Variants in LNPEP observed in about 807,000 individuals in gnomAD.
LNPEP encodes the protein leucyl-cystinyl aminopeptidase.
A neutral mutation model predicts 120.6 loss-of-function variants in LNPEP; 64 were observed. The observed-to-expected ratio is 0.53, with a 90% CI of 0.43 to 0.65. The LOEUF is 0.65. LNPEP is among the 30% of genes least tolerant of loss of function. LNPEP has a pLI of 0.00. For synonymous variants in LNPEP, 435 were observed against 425.4 expected (o/e 1.02, Z -0.28); for missense variants, 1,057 against 1,200.0 (o/e 0.88, Z 1.76).
At chr5:96,969,391 A>G (rs748818494) in intron 1 of LNPEP, among the ~76,000 whole-genome samples, 1 of 151,956 alleles carries the variant, frequency 6.6e-6, no homozygotes, top group Non-Finnish European at 1.5e-5. Context: ...AACATACTGT[A>G]TTTTTCTAAA....
chr5:96,939,890 C>T (rs958448934), intron 1 of LNPEP, among the ~76,000 whole-genome samples: 1 of 151,946 alleles, frequency 6.6e-6, no homozygotes, highest in African/African-American at 2.4e-5. Context: ...AAATTTTTAG[C>T]ATCACTTCTC....
In LNPEP at chr5:97,035,800, T is replaced by C. The variant is rs1254393990; in HGVS notation, c.*7267T>C. On this transcript the variant is annotated 3_prime_UTR_variant, in exon 18 of 18. Coordinates refer to ENST00000231368, the MANE Select transcript of LNPEP (RefSeq NM_005575.3). ...TGTAGCAGTGTATTAATGTAACTAATAGCAACAGGTGTGCAGCAGATAAGA... is the reference window on the plus strand; with the variant it reads ...TGTAGCAGTGTATTAATGTAACTAACAGCAACAGGTGTGCAGCAGATAAGA... The C allele has an allele frequency of 1.3e-5, 2 of 152,166 alleles. No individual in the cohort carries two copies. The highest frequency in any genetic ancestry group is 2.4e-5 in the African/African-American group (1 of 41,448). 9.4% of individuals were successfully genotyped at this position (152,166 alleles called of 1,614,324 possible).
At chr5:96,963,728 C>A (rs1789660137) in intron 1 of LNPEP, among the ~76,000 whole-genome samples, 1 of 152,026 alleles carries the variant, frequency 6.6e-6, no homozygotes, top group Non-Finnish European at 1.5e-5. Flanking sequence ...ATAGCAAATT[C>A]CTTTTTAAAA....
In LNPEP at chr5:97,030,732, C is replaced by T. The variant is rs1006214864; in HGVS notation, c.*2199C>T. The T allele has an allele frequency of 6.6e-6, 1 of 150,976 alleles. No individual in the cohort carries two copies. Among genetic ancestry groups the T allele is most frequent in the African/African-American group, 2.4e-5 (1 of 41,110 alleles). The allele number at this position is 150,976 out of a possible 1,614,324, so 9.4% of individuals were successfully genotyped here. ...AACTTGGCCTGAAAAAGAGATAACT[C>T]ATGATCCATTGCTATCTTTATTACT... On this transcript the variant is annotated 3_prime_UTR_variant, in exon 18 of 18. Transcript: ENST00000231368.
Position 96,982,628 on chromosome 5 carries a change from C to T in LNPEP, c.861-2452C>T, listed in dbSNP as rs541552110. On this transcript the variant is annotated intron_variant, in intron 2 of 17. Coordinates refer to ENST00000231368, the MANE Select transcript of LNPEP (RefSeq NM_005575.3). ...GTCCCTTATGCTTCTCTTCCAAAATCTTCTGTTAACTACATAAGAATGTTG... is the reference window on the plus strand; with the variant it reads ...GTCCCTTATGCTTCTCTTCCAAAATTTTCTGTTAACTACATAAGAATGTTG... Among the ~76,000 whole-genome samples the T allele has an allele frequency of 8.5e-5, 13 of 152,284 alleles. No individual in the cohort carries two copies. The East Asian group carries it at 9.7e-4, about 11-fold the overall frequency.
At chr5:97,028,282 C>T in intron 17 of LNPEP, 120 bp from the exon 18 acceptor site, 1 of 861,820 alleles carries the variant, frequency 1.2e-6, no homozygotes, top group South Asian at 1.4e-5. Context: ...GTACTTCTTT[C>T]TACTGCTTTC....
At position 96,997,756 on chromosome 5, in the gene LNPEP, A is replaced by G. The variant is rs79431024; in HGVS notation, c.1522-258A>G. On this transcript the variant is annotated intron_variant, in intron 7 of 17. Coordinates refer to ENST00000231368, the MANE Select transcript of LNPEP (RefSeq NM_005575.3). ...TTGTTTACTTTGGTAATAGATTCTT[A>G]ATTTTCCCATATGCTGTTGTTTAGG... 9.2e-3 allele frequency among the ~76,000 whole-genome samples: 1,407 copies of G among 152,210 alleles called. 9 individuals carry two copies. The highest frequency in any genetic ancestry group is 0.015 in the Non-Finnish European group (1,012 of 67,950).
chr5:97,013,959 G>A, intron 12 of LNPEP, 128 bp downstream of exon 12: 4 of 585,158 alleles, frequency 6.8e-6, no homozygotes, highest in Non-Finnish European at 8.5e-6. Context: ...TGGAGGATTG[G>A]GAAAATATGT....
chr5:96,940,257 C>T (rs17628359), intron 1 of LNPEP, among the ~76,000 whole-genome samples: 5,714 of 152,076 alleles, frequency 0.038, 183 homozygotes, highest in Middle Eastern at 0.11. Flanking sequence ...CTCTTATAAC[C>T]GGTGATTATC....
At chr5:96,944,537 C>CTTTTTTTTTTTTTTTT in intron 1 of LNPEP, among the ~76,000 whole-genome samples, 1 of 108,244 alleles carries the variant, frequency 9.2e-6, no homozygotes, top group Non-Finnish European at 1.9e-5. Flanking sequence ...CAAAGATTTT[C>CTTTTTTTTTTTTTTTT]TTTTTTGTTT....
At chr5:96,939,016 G>T (rs2910788) in intron 1 of LNPEP, among the ~76,000 whole-genome samples, 60,921 of 150,974 alleles carry the variant, frequency 0.4, 12,353 homozygotes, top group Non-Finnish European at 0.43. Context: ...GCAACTATCT[G>T]CTTTTTTGGT....
chr5:97,005,234 T>G (rs565734461), intron 9 of LNPEP, among the ~76,000 whole-genome samples: 1 of 152,332 alleles, frequency 6.6e-6, no homozygotes, highest in South Asian at 2.1e-4. Flanking sequence ...TTTATCAATT[T>G]AGGTACATCA....
chr5:96,960,837 T>C (rs940145704), intron 1 of LNPEP, among the ~76,000 whole-genome samples: 2 of 151,970 alleles, frequency 1.3e-5, no homozygotes, highest in South Asian at 2.1e-4. Flanking sequence ...TTTCTGAAAC[T>C]ATCTACTATA....
rs781727347 is a variant in LNPEP, at chr5:97,008,337, G to GTTTTTTTTTTT, written c.2035+1843_2035+1853dup. On this transcript the variant is annotated intron_variant, in intron 11 of 17. Coordinates refer to ENST00000231368, the MANE Select transcript of LNPEP (RefSeq NM_005575.3). ...TTGATTTTTTTGTTTGTTTTTTCTT[G>GTTTTTTTTTTT]TTTTTTTTTTTTTTTTTTTTTTTTT... 1.6e-3 allele frequency among the ~76,000 whole-genome samples: 98 copies of GTTTTTTTTTTT among 59,844 alleles called. 10 individuals are homozygous for GTTTTTTTTTTT. Among genetic ancestry groups the GTTTTTTTTTTT allele is most frequent in the Non-Finnish European group, 1.9e-3 (66 of 34,902 alleles). 39.3% of individuals were successfully genotyped at this position (59,844 alleles called of 152,430 possible).
Position 96,993,042 on chromosome 5 carries a change from A to T in LNPEP, c.1159A>T (p.Ile387Phe), listed in dbSNP as rs775740215. ...LVSIYAVPEK[I>F]GQVHYALETT... ...TTCTATATATGCTGTACCAGAAAAG[A>T]TTGGTCAAGTTCATTATGCCTTGGA... The change falls in exon 5 of 18, where the codon ATT (isoleucine) becomes TTT (phenylalanine). Residue 387 changes from isoleucine to phenylalanine, a missense_variant. Coordinates refer to ENST00000231368, the MANE Select transcript of LNPEP (RefSeq NM_005575.3). 6.3e-7 allele frequency: 1 copy of T among 1,595,684 alleles called. No individual in the cohort carries two copies. The highest frequency in any genetic ancestry group is 1.7e-5 in the Admixed American group (1 of 57,508).
At position 96,979,417 on chromosome 5, in the gene LNPEP, A is replaced by T. The variant is rs139694317; in HGVS notation, c.299A>T (p.Asp100Val). The T allele has an allele frequency of 1.9e-6, 3 of 1,613,968 alleles. No homozygotes were observed. In the East Asian group the frequency reaches 6.7e-5, roughly 36 times the overall value. ...GCAACTGGTTACAGGCAGAGCCCAG[A>T]TGGGGCTTGTTCAGTACCCTCTGCA... ...NSATGYRQSP[D>V]GACSVPSART... Residue 100 changes from aspartate (D) to valine (V), a missense_variant, in exon 2 of 18, where the codon GAT becomes GTT. Asp to Val is a radical substitution (Grantham distance 152, BLOSUM62 -3). Transcript: ENST00000231368.
At chr5:97,023,446 G>T (rs923337863) in intron 14 of LNPEP, among the ~76,000 whole-genome samples, 20 of 152,124 alleles carry the variant, frequency 1.3e-4, no homozygotes, top group African/African-American at 4.8e-4. Context: ...TAGAGACGGG[G>T]TTTCACCATG....
rs955159689 is a variant in LNPEP, at chr5:97,032,466, G to A, written c.*3933G>A. On this transcript the variant is annotated 3_prime_UTR_variant, in exon 18 of 18. Transcript: ENST00000231368. ...ATTTTTTTCAGTGGTTTTTTTGGGA[G>A]TATATACTTTAAAAATGTACATACA... The A allele has an allele frequency of 1.3e-5, 2 of 152,002 alleles. No individual in the cohort carries two copies. The highest frequency in any genetic ancestry group is 2.9e-5 in the Non-Finnish European group (2 of 67,996). 9.4% of individuals were successfully genotyped at this position (152,002 alleles called of 1,614,324 possible).
intron 12 of LNPEP, 112 bp from the exon 13 acceptor site, chr5:97,014,827 A>G: frequency 1.6e-6 from 1 of 615,186 alleles, no homozygotes; most frequent in Non-Finnish European, 2.5e-6. Context: ...CTGTAAGTTT[A>G]AATTTTTGGT....
Sources: allele counts gnomAD v4.1 joint callset (sites outside exome capture counted in the v4.1 genomes callset), GRCh38; gene constraint gnomAD v4.1.1; transcripts MANE v1.5; gene names NCBI Gene and HGNC (gene_info 2026-07-23, HGNC 2026-07-21).